The following PLEKHA8 variants were observed in gnomAD, a reference collection of about 807,000 sequenced individuals.
The protein encoded by PLEKHA8 is pleckstrin homology domain-containing family A member 8.
A neutral mutation model predicts 68.2 loss-of-function variants in PLEKHA8; 36 were observed. That is an observed-to-expected ratio of 0.53 (90% CI 0.40 to 0.70). PLEKHA8 has a LOEUF of 0.70. Among genes scored for constraint, PLEKHA8 ranks in the 30% least tolerant of loss-of-function variants. PLEKHA8 has a pLI of 0.00. For synonymous variants in PLEKHA8, 211 were observed against 216.1 expected (o/e 0.98, Z 0.20); for missense variants, 505 against 615.4 (o/e 0.82, Z 1.90).
chr7:30,031,010 T>C (rs1790623076), intron 1 of PLEKHA8, among the ~76,000 whole-genome samples: 1 of 152,238 alleles, frequency 6.6e-6, no homozygotes, highest in African/African-American at 2.4e-5. Flanking sequence ...AACCCATGCC[T>C]CTGTATGGTT....
chr7:30,055,428 A>C, intron 9 of PLEKHA8, 86 bp downstream of exon 9: 1 of 1,155,734 alleles, frequency 8.7e-7, no homozygotes. Context: ...ACCCCAAACT[A>C]TGTGTACAGT....
At chr7:30,071,388 A>G (rs943079756) in intron 12 of PLEKHA8, among the ~76,000 whole-genome samples, 1 of 152,114 alleles carries the variant, frequency 6.6e-6, no homozygotes, top group Non-Finnish European at 1.5e-5. Context: ...CTGCCGCACC[A>G]TCTACCACTC....
chr7:30,115,770 G>T (rs988516371), intron 13 of PLEKHA8: 1 of 147,106 alleles, frequency 6.8e-6, no homozygotes, highest in Admixed American at 6.7e-5. Context: ...ATGTATACAC[G>T]TATGCATGCA....
rs989460417 is a variant in PLEKHA8, at chr7:30,115,886, A to G, written c.1363-13380A>G. 7.6e-4 allele frequency: 111 copies of G among 145,104 alleles called. 2 individuals carry two copies. The highest frequency in any genetic ancestry group is 3.6e-3 in the Middle Eastern group (1 of 274). 9.0% of individuals were successfully genotyped at this position (145,104 alleles called of 1,614,324 possible). A position where few individuals can be genotyped will look rare whatever the true frequency, so the allele number is the denominator to read the frequency against. ...TGCACATACATGTAGGCACGCATACATGCGTATACATGCATGTATACATGC... is the reference window on the plus strand; with the variant it reads ...TGCACATACATGTAGGCACGCATACGTGCGTATACATGCATGTATACATGC... On this transcript the variant is annotated intron_variant, in intron 13 of 13. Transcript: ENST00000396257.
At chr7:30,032,982 C>T (rs892608258) in intron 1 of PLEKHA8, among the ~76,000 whole-genome samples, 2 of 152,132 alleles carry the variant, frequency 1.3e-5, no homozygotes, top group South Asian at 4.1e-4. Flanking sequence ...TAAGGATGTG[C>T]TATAATTTTG....
Position 30,081,308 on chromosome 7 carries a change from AGTTT to A in PLEKHA8, c.*2526_*2529del, listed in dbSNP as rs1246667768. 1.0e-6 allele frequency: 1 copy of A among 985,130 alleles called. No homozygotes were observed. Among genetic ancestry groups the A allele is most frequent in the African/African-American group, 1.7e-5 (1 of 57,232 alleles). The allele number at this position is 985,130 out of a possible 1,614,324, so 61.0% of individuals were successfully genotyped here. On this transcript the variant is annotated 3_prime_UTR_variant, in exon 14 of 14. Coordinates refer to ENST00000449726, the MANE Select transcript of PLEKHA8 (RefSeq NM_001197026.2). ...ATTACGTTTGCCTAAGATGTATAAA[AGTTT>A]GTTTAAGATGTGTAAAAGTTTGCTT... is the stretch of plus-strand genomic sequence containing the variant.
intron 12 of PLEKHA8, among the ~76,000 whole-genome samples, chr7:30,067,975 C>G (rs1328689853): frequency 2.6e-5 from 4 of 152,234 alleles, no homozygotes; most frequent in Non-Finnish European, 5.9e-5. Context: ...AAAATTATGT[C>G]CAGACAGCAC....
rs191730148 is a variant in PLEKHA8 at position 30,038,076 on chromosome 7, A to G, written c.41-7009A>G. ...TTTTTAAGGCAAAAGTTCTGAAGGA[A>G]CTGTGGCGGACTTAAAGGCAGAATG... On this transcript the variant is annotated intron_variant, in intron 1 of 13. Coordinates refer to ENST00000449726, the MANE Select transcript of PLEKHA8 (RefSeq NM_001197026.2). 4.1e-4 allele frequency among the ~76,000 whole-genome samples: 62 copies of G among 152,318 alleles called. 1 individual carries two copies. The highest frequency in any genetic ancestry group is 1.3e-3 in the African/African-American group (56 of 41,574).
intron 13 of PLEKHA8, chr7:30,115,917 T>C (rs539901839): frequency 6.9e-5 from 10 of 145,876 alleles, no homozygotes; most frequent in Non-Finnish European, 9.1e-5. Flanking sequence ...CATGCATGCG[T>C]GCGTGTACAT....
intron 1 of PLEKHA8, among the ~76,000 whole-genome samples, chr7:30,039,395 A>G (rs1791349639): frequency 6.6e-6 from 1 of 152,068 alleles, no homozygotes; most frequent in Non-Finnish European, 1.5e-5. Flanking sequence ...GGCGCCTGTA[A>G]TCCCCACTAC....
Position 30,081,555 on chromosome 7 carries a change from C to G in PLEKHA8, c.*2768C>G. ...GAAAAGATATTTAAAGCTTTCTCTC[C>G]ATAGCCCTCCAAGACTTCTGGGACA... is the stretch of plus-strand genomic sequence containing the variant. On this transcript the variant is annotated 3_prime_UTR_variant, in exon 14 of 14. Coordinates refer to ENST00000449726, the MANE Select transcript of PLEKHA8 (RefSeq NM_001197026.2). The G allele has an allele frequency of 3.0e-6, 3 of 984,904 alleles. No individual in the cohort carries two copies. The highest frequency in any genetic ancestry group is 3.6e-6 in the Non-Finnish European group (3 of 829,480). The allele number at this position is 984,904 out of a possible 1,614,324, so 61.0% of individuals were successfully genotyped here.
intron 1 of PLEKHA8, among the ~76,000 whole-genome samples, chr7:30,031,705 A>G (rs1260472522): frequency 6.6e-6 from 1 of 152,234 alleles, no homozygotes; most frequent in Non-Finnish European, 1.5e-5. Flanking sequence ...GCTTTAGCGT[A>G]GCGTAGAACA....
intron 3 of PLEKHA8, 136 bp downstream of exon 3, chr7:30,046,501 A>T: frequency 3.0e-6 from 3 of 1,013,178 alleles, no homozygotes; most frequent in Non-Finnish European, 4.2e-6. Context: ...ATCTTAGTAT[A>T]ATTTAAACCA....
chr7:30,045,257 CA>C, intron 2 of PLEKHA8, 56 bp downstream of exon 2: 1 of 1,360,194 alleles, frequency 7.4e-7, no homozygotes, highest in Non-Finnish European at 1.0e-6. Context: ...CCCTCAAAAA[CA>C]AAAAAGCCCC....
intron 1 of PLEKHA8, among the ~76,000 whole-genome samples, chr7:30,031,564 G>A (rs1168002867): frequency 2.0e-5 from 3 of 152,108 alleles, no homozygotes; most frequent in East Asian, 3.9e-4. Context: ...AGGGGTGTGC[G>A]GGAGGCTAGA....
rs1198785526 is a variant in PLEKHA8 at position 30,118,042 on chromosome 7, G to C, written c.1363-11224G>C. The C allele has an allele frequency of 2.7e-6, 4 of 1,509,152 alleles. No homozygotes were observed. The East Asian group carries it at 7.6e-5, about 29-fold the overall frequency. 93.5% of individuals were successfully genotyped at this position (1,509,152 alleles called of 1,614,324 possible). ...TCAGGCGGGTGCAGAGTGGCCTGCA[G>C]GACATGATGACCCAGCATGAGACAG... is the stretch of plus-strand genomic sequence containing the variant. On this transcript the variant is annotated intron_variant, in intron 13 of 13. Transcript: ENST00000396257.
chr7:30,106,068 T>C (rs138274635), intron 13 of PLEKHA8, among the ~76,000 whole-genome samples: 1,954 of 151,974 alleles, frequency 0.013, 18 homozygotes, highest in Non-Finnish European at 0.018. Context: ...TTTTTTTTTT[T>C]TTCTTTTTGA....
Position 30,045,217 on chromosome 7 carries a change from A to G in PLEKHA8, c.157+16A>G. 4 of 1,552,842 alleles carry G rather than the reference A, an allele frequency of 2.6e-6. No individual in the cohort carries two copies. The highest frequency in any genetic ancestry group is 3.5e-6 in the Non-Finnish European group (4 of 1,137,894). On this transcript the variant is annotated intron_variant, in intron 2 of 13. Coordinates refer to ENST00000449726, the MANE Select transcript of PLEKHA8 (RefSeq NM_001197026.2). ...GAAATTCAAGGTGAGAAATCAAGCAACTTGCAAGTTTTATTTTTCTTTCTG... is the reference window on the plus strand; with the variant it reads ...GAAATTCAAGGTGAGAAATCAAGCAGCTTGCAAGTTTTATTTTTCTTTCTG...
intron 1 of PLEKHA8, among the ~76,000 whole-genome samples, chr7:30,030,252 C>CT (rs776909610): frequency 6.6e-6 from 1 of 152,174 alleles, no homozygotes. Flanking sequence ...CAACATTCTT[C>CT]TTTTTTTCCC....
Sources: gnomAD v4.1 joint callset for allele counts (sites outside exome capture counted in the v4.1 genomes callset) on GRCh38, gnomAD v4.1.1 for gene constraint, MANE v1.5 for transcripts, NCBI Gene and HGNC (gene_info 2026-07-23, HGNC 2026-07-21) for gene names.